Variants in HS1BP3 observed in about 807,000 individuals in gnomAD.
The protein encoded by HS1BP3 is HCLS1-binding protein 3.
A neutral mutation model predicts 33.5 loss-of-function variants in HS1BP3; 32 were observed. The observed-to-expected ratio is 0.95, with a 90% CI of 0.72 to 1.28. The LOEUF (loss-of-function observed/expected upper bound fraction) is 1.28. Among genes scored for constraint, HS1BP3 ranks in the 50% most tolerant of loss-of-function variants. HS1BP3 has a pLI of 0.00. For missense variants in HS1BP3, 486 were observed against 502.3 expected (o/e 0.97, Z 0.31); for synonymous variants, 187 against 209.2 (o/e 0.89, Z 0.92).
In HS1BP3 at chr2:20,625,203, G is replaced by A. The variant is rs186550481; in HGVS notation, c.624-311C>T. Among the ~76,000 whole-genome samples, 8 of 152,354 alleles carry A rather than the reference G, an allele frequency of 5.3e-5. No homozygotes were observed. In the East Asian group the frequency reaches 1.3e-3, roughly 26 times the overall value. ...AAGCAGGTTTCCCCAATGACAGAGTGGTAAGGCCCCCGCTACTGTGGGCAG... is the reference window on the plus strand; with the variant it reads ...AAGCAGGTTTCCCCAATGACAGAGTAGTAAGGCCCCCGCTACTGTGGGCAG... On this transcript the variant is annotated intron_variant, in intron 4 of 6. Coordinates refer to ENST00000304031, the MANE Select transcript of HS1BP3 (RefSeq NM_022460.4).
intron 4 of HS1BP3, among the ~76,000 whole-genome samples, chr2:20,628,634 CAAA>C (rs113028995): frequency 1.5e-5 from 2 of 137,660 alleles, no homozygotes; most frequent in Non-Finnish European, 3.2e-5. Context: ...GACTTTGTCT[CAAA>C]AAAAAAAAAA....
intron 5 of HS1BP3, among the ~76,000 whole-genome samples, chr2:20,571,416 C>A (rs1323759884): frequency 6.6e-6 from 1 of 152,186 alleles, no homozygotes; most frequent in Non-Finnish European, 1.5e-5. Context: ...GTGAGGCAGC[C>A]CGGGCCTGTT....
chr2:20,598,369 G>A, intron 2 of HS1BP3: 1 of 223,146 alleles, frequency 4.5e-6, no homozygotes, highest in Non-Finnish European at 9.9e-6. Context: ...TGCACAATGG[G>A]GCTCGCACTC....
chr2:20,639,472 T>C (rs1695270275), intron 3 of HS1BP3, among the ~76,000 whole-genome samples: 1 of 152,230 alleles, frequency 6.6e-6, no homozygotes, highest in South Asian at 2.1e-4. Context: ...TTCATTTCTA[T>C]CCAAGTGCTT....
intron 5 of HS1BP3, among the ~76,000 whole-genome samples, chr2:20,562,277 G>T (rs1021485504): frequency 1.3e-5 from 2 of 152,102 alleles, no homozygotes; most frequent in Non-Finnish European, 2.9e-5. Context: ...CTAGGAGTTT[G>T]ACACCAGCCT....
downstream of HS1BP3, among the ~76,000 whole-genome samples, chr2:20,617,277 C>A (rs1371206486): frequency 6.6e-6 from 1 of 152,152 alleles, no homozygotes; most frequent in East Asian, 1.9e-4. Context: ...GGATGCAGGG[C>A]CCGGGGCTGA....
At chr2:20,628,529 GGAGGCT>G (rs1694864018) in intron 4 of HS1BP3, among the ~76,000 whole-genome samples, 1 of 152,118 alleles carries the variant, frequency 6.6e-6, no homozygotes, top group African/African-American at 2.4e-5. Context: ...CAGCTACTCG[GGAGGCT>G]GAGGCATAAG....
intron 3 of HS1BP3, 74 bp from the exon 4 acceptor site, chr2:20,638,726 C>G: frequency 8.6e-7 from 1 of 1,161,308 alleles, no homozygotes; most frequent in Non-Finnish European, 1.2e-6. Flanking sequence ...CCACACTGCA[C>G]CCTCCCATGC....
chr2:20,567,714 G>A (rs149522925), intron 5 of HS1BP3, among the ~76,000 whole-genome samples: 6 of 152,290 alleles, frequency 3.9e-5, no homozygotes, highest in Admixed American at 1.3e-4. Context: ...AGGACTGACC[G>A]CAGGCTAGAA....
downstream of HS1BP3, among the ~76,000 whole-genome samples, chr2:20,557,734 T>C (rs1311769740): frequency 1.3e-5 from 2 of 152,182 alleles, no homozygotes; most frequent in East Asian, 1.9e-4. Flanking sequence ...CTATTTGTGA[T>C]GGATGCAGAG....
chr2:20,642,476 C>T (rs573820365), intron 2 of HS1BP3, among the ~76,000 whole-genome samples: 1 of 152,344 alleles, frequency 6.6e-6, no homozygotes, highest in East Asian at 1.9e-4. Flanking sequence ...GGGAAAGGCA[C>T]ACGGACCCCT....
chr2:20,555,555 C>G (rs946137090), downstream of HS1BP3, among the ~76,000 whole-genome samples: 1 of 152,130 alleles, frequency 6.6e-6, no homozygotes, highest in Non-Finnish European at 1.5e-5. Context: ...CTGAGGACCC[C>G]ATGAAGACGA....
chr2:20,590,094 C>T (rs548743831), downstream of HS1BP3, among the ~76,000 whole-genome samples: 1 of 152,242 alleles, frequency 6.6e-6, no homozygotes, highest in South Asian at 2.1e-4. Context: ...TCTCAGGCTG[C>T]CCGTGCTGGA....
chr2:20,568,192 G>C (rs1314246497), intron 5 of HS1BP3, among the ~76,000 whole-genome samples: 1 of 152,212 alleles, frequency 6.6e-6, no homozygotes, highest in Non-Finnish European at 1.5e-5. Context: ...GAGCCTCACA[G>C]GAGGAGAAAG....
At chr2:20,622,538 TTTCCCCAA>T in intron 6 of HS1BP3, 1 of 345,282 alleles carries the variant, frequency 2.9e-6, no homozygotes, top group Non-Finnish European at 5.8e-6. Flanking sequence ...TTTTGTGGCA[TTTCCCCAA>T]TTCATCAGCC....
intron 2 of HS1BP3, among the ~76,000 whole-genome samples, chr2:20,645,035 C>T (rs1558352057): frequency 6.6e-6 from 1 of 152,148 alleles, no homozygotes; most frequent in Admixed American, 6.5e-5. Flanking sequence ...GCTCAGCCAC[C>T]GCCTCTTCCA....
At chr2:20,645,538 G>C (rs1262533537) in intron 1 of HS1BP3, 33 bp from the exon 2 acceptor site, 2 of 1,590,194 alleles carry the variant, frequency 1.3e-6, no homozygotes, top group East Asian at 2.2e-5. Flanking sequence ...GTGGGGTTCA[G>C]GGTCAAGGCA....
intron 2 of HS1BP3, among the ~76,000 whole-genome samples, chr2:20,642,369 A>G (rs1239991464): frequency 7.1e-6 from 1 of 140,340 alleles, no homozygotes; most frequent in African/African-American, 2.6e-5. Context: ...AGCTGGGGGG[A>G]TTTCAGAACC....
At chr2:20,563,605 G>A (rs187167931) in intron 5 of HS1BP3, among the ~76,000 whole-genome samples, 219 of 152,262 alleles carry the variant, frequency 1.4e-3, no homozygotes, top group African/African-American at 5.0e-3. Context: ...TCTCAAGCAG[G>A]GAAGACGAGG....
Sources: gnomAD v4.1 joint callset for allele counts (sites outside exome capture counted in the v4.1 genomes callset) on GRCh38, gnomAD v4.1.1 for gene constraint, MANE v1.5 for transcripts, NCBI Gene and HGNC (gene_info 2026-07-23, HGNC 2026-07-21) for gene names.